MBNL2: variants seen among roughly 807,000 people sequenced by gnomAD.
MBNL2 encodes muscleblind like splicing regulator 2.
Under a neutral mutation model 41.9 loss-of-function variants are expected in MBNL2, and 17 were observed. That is an observed-to-expected ratio of 0.41 (90% CI 0.28 to 0.61). The LOEUF (loss-of-function observed/expected upper bound fraction) is 0.61. Ranked by LOEUF, MBNL2 falls within the 20% of genes least tolerant of loss-of-function variation. MBNL2 has a pLI of 0.35. For synonymous variants in MBNL2, 195 were observed against 182.9 expected, an observed-to-expected ratio of 1.07 and a Z score of -0.53; for missense variants, 336 against 505.6, an observed-to-expected ratio of 0.66 and a Z score of 3.22.
chr13:97,177,284 A>G, the MBNL2 span, among the ~76,000 whole-genome samples: 1 of 152,212 alleles, frequency 6.6e-6, no homozygotes, highest in Non-Finnish European at 1.5e-5. Context: ...GGTTTCAATG[A>G]GCTGAGATCA....
chr13:97,185,705 G>C, the MBNL2 span, among the ~76,000 whole-genome samples: 3 of 152,186 alleles, frequency 2.0e-5, no homozygotes, highest in African/African-American at 7.2e-5. Context: ...CAGGGACATG[G>C]GTCCCCCACA....
chr13:97,263,109 T>G (rs921343164), intron 1 of MBNL2, among the ~76,000 whole-genome samples: 10 of 152,128 alleles, frequency 6.6e-5, no homozygotes, highest in Admixed American at 6.5e-4. Context: ...TTGATCCATC[T>G]ATTTCCTACA....
At chr13:97,350,129 A>T (rs1315966698) in intron 5 of MBNL2, among the ~76,000 whole-genome samples, 1 of 152,214 alleles carries the variant, frequency 6.6e-6, no homozygotes, top group Non-Finnish European at 1.5e-5. Flanking sequence ...ATCACAATAG[A>T]ACAAATCACA....
chr13:97,327,358 A>G (rs1180238343), intron 2 of MBNL2, among the ~76,000 whole-genome samples: 1 of 152,008 alleles, frequency 6.6e-6, no homozygotes, highest in Non-Finnish European at 1.5e-5. Context: ...CTGTTGTTTC[A>G]TGTGGCTTTC....
the MBNL2 span, among the ~76,000 whole-genome samples, chr13:97,176,387 G>A: frequency 7.9e-5 from 12 of 152,094 alleles, no homozygotes; most frequent in East Asian, 1.9e-4. Flanking sequence ...AGGGGTTGGG[G>A]CAAACTCACT....
chr13:97,373,413 T>TAG (rs906681763), intron 8 of MBNL2, among the ~76,000 whole-genome samples: 9 of 147,662 alleles, frequency 6.1e-5, no homozygotes, highest in African/African-American at 2.0e-4. Context: ...AGAGAGAGAG[T>TAG]AGAGAGAGAG....
chr13:97,337,689 C>T (rs1212657476), intron 3 of MBNL2, among the ~76,000 whole-genome samples: 1 of 152,158 alleles, frequency 6.6e-6, no homozygotes. Context: ...CAAATTCTTC[C>T]CATTTTAATA....
chr13:97,193,306 T>C, the MBNL2 span, among the ~76,000 whole-genome samples: 1 of 152,246 alleles, frequency 6.6e-6, no homozygotes, highest in South Asian at 2.1e-4. Flanking sequence ...GGATTTTGGT[T>C]CTGCCAAGTT....
At chr13:97,147,755 A>G in the MBNL2 span, among the ~76,000 whole-genome samples, 1 of 152,310 alleles carries the variant, frequency 6.6e-6, no homozygotes, top group Admixed American at 6.5e-5. Flanking sequence ...GGTTTACCTG[A>G]TGTCCAAGGC....
the MBNL2 span, among the ~76,000 whole-genome samples, chr13:97,182,978 ACAATAT>A: frequency 3.0e-4 from 46 of 152,232 alleles, no homozygotes; most frequent in Admixed American, 2.0e-4. Context: ...CAAGATTTTT[ACAATAT>A]CAATAAAAAG....
Position 97,334,171 on chromosome 13 carries a change from C to T in MBNL2, c.175-105C>T. On this transcript the variant is annotated intron_variant, in intron 2 of 8. Transcript: ENST00000679496. The surrounding 1 kb of genome is among the most constrained non-coding windows in gnomAD (Gnocchi z 5.3). Reference sequence around the variant, plus strand: ...ACCCACACACACACACACACACACACACACAGGATCCTTGCTTTTGTGCAT... The same window carrying T: ...ACCCACACACACACACACACACACATACACAGGATCCTTGCTTTTGTGCAT... 3.5e-6 allele frequency: 3 copies of T among 854,214 alleles called. No homozygotes were observed. The highest frequency in any genetic ancestry group is 3.5e-5 in the African/African-American group (2 of 57,860). 52.9% of individuals were successfully genotyped at this position (854,214 alleles called of 1,614,324 possible). A position where few individuals can be genotyped will look rare whatever the true frequency, so the allele number is the denominator to read the frequency against.
At chr13:97,144,320 G>T in the MBNL2 span, among the ~76,000 whole-genome samples, 1 of 151,806 alleles carries the variant, frequency 6.6e-6, no homozygotes, top group Non-Finnish European at 1.5e-5. Context: ...GTAGGATCCT[G>T]ATACTGCCTT....
chr13:97,284,841 A>G (rs1296718600), intron 2 of MBNL2, among the ~76,000 whole-genome samples: 1 of 152,252 alleles, frequency 6.6e-6, no homozygotes, highest in Non-Finnish European at 1.5e-5. Flanking sequence ...CATGGAGAAA[A>G]ATAGCAACAC....
At chr13:97,186,364 A>T in the MBNL2 span, among the ~76,000 whole-genome samples, 2 of 152,180 alleles carry the variant, frequency 1.3e-5, no homozygotes, top group Non-Finnish European at 2.9e-5. Context: ...TCAGAGTTCC[A>T]TTAGATCTCT....
chr13:97,297,135 A>G (rs953504), intron 2 of MBNL2, among the ~76,000 whole-genome samples: 13,177 of 152,126 alleles, frequency 0.087, 640 homozygotes, highest in South Asian at 0.13. Flanking sequence ...CCTTACCTCA[A>G]TGCCTTTGTT....
At chr13:97,314,383 T>C (rs2058858848) in intron 2 of MBNL2, among the ~76,000 whole-genome samples, 1 of 152,214 alleles carries the variant, frequency 6.6e-6, no homozygotes, top group African/African-American at 2.4e-5. Context: ...TTTTTCTCTC[T>C]AGCACTTATC....
intron 8 of MBNL2, among the ~76,000 whole-genome samples, chr13:97,382,526 C>T (rs770089219): frequency 2.6e-5 from 4 of 152,118 alleles, no homozygotes; most frequent in East Asian, 1.9e-4. Flanking sequence ...CCTGTGGAGT[C>T]GGAATGGGAA....
chr13:97,300,016 G>T (rs964313440), intron 2 of MBNL2, among the ~76,000 whole-genome samples: 2 of 152,074 alleles, frequency 1.3e-5, no homozygotes, highest in Non-Finnish European at 2.9e-5. Context: ...TGGTAGTTCT[G>T]CCATTTTTCA....
At chr13:97,239,277 T>C (rs1277086495) in intron 1 of MBNL2, among the ~76,000 whole-genome samples, 1 of 152,242 alleles carries the variant, frequency 6.6e-6, no homozygotes, top group Non-Finnish European at 1.5e-5. Flanking sequence ...CCTGCCAATA[T>C]AGATACCTCA....
Sources: gnomAD v4.1 joint callset for allele counts (sites outside exome capture counted in the v4.1 genomes callset) on GRCh38, gnomAD v4.1.1 for gene constraint, Gnocchi (gnomAD v3.1) non-coding constraint, MANE v1.5 for transcripts, NCBI Gene and HGNC (gene_info 2026-07-23, HGNC 2026-07-21) for gene names.